Variants in OTUD7A observed in about 807,000 individuals in gnomAD.
OTUD7A encodes OTU domain-containing protein 7A.
Under a neutral mutation model 65.7 loss-of-function variants are expected in OTUD7A, and 12 were observed. The observed-to-expected ratio is 0.18, with a 90% CI of 0.12 to 0.30. The LOEUF (loss-of-function observed/expected upper bound fraction) is 0.30. OTUD7A is among the 10% of genes least tolerant of loss of function. The pLI is 1.00. For missense variants in OTUD7A, 1,148 were observed against 1,304.8 expected, an observed-to-expected ratio of 0.88 and a Z score of 1.85; for synonymous variants, 641 against 586.3, an observed-to-expected ratio of 1.09 and a Z score of -1.35.
At chr15:31,797,246 G>T (rs1649097699) in intron 1 of OTUD7A, among the ~76,000 whole-genome samples, 1 of 152,132 alleles carries the variant, frequency 6.6e-6, no homozygotes, top group African/African-American at 2.4e-5. Flanking sequence ...AAGCTGGGCG[G>T]GTGGAGGTGT....
chr15:31,804,893 T>C (rs779842305), intron 1 of OTUD7A, among the ~76,000 whole-genome samples: 1 of 152,362 alleles, frequency 6.6e-6, no homozygotes, highest in East Asian at 1.9e-4. Flanking sequence ...CTAGGAGAAC[T>C]GTTCACAACA....
rs139879073 is a variant in OTUD7A at position 31,604,069 on chromosome 15, T to C, written c.152-33872A>G. Among the ~76,000 whole-genome samples, 1,260 of 152,316 alleles carry C rather than the reference T, an allele frequency of 8.3e-3. 17 individuals are homozygous for C. The highest frequency in any genetic ancestry group is 0.029 in the African/African-American group (1,198 of 41,558). On this transcript the variant is annotated intron_variant, in intron 3 of 12. Coordinates refer to ENST00000307050, the MANE Select transcript of OTUD7A (RefSeq NM_001382637.1). ...CAAGGATCTATAACTAGAAATACCA[T>C]TTGACCCAGCAATCCCATTACTGGG... is the stretch of plus-strand genomic sequence containing the variant.
At chr15:31,629,202 C>G (rs1039482735) in intron 3 of OTUD7A, among the ~76,000 whole-genome samples, 1 of 152,086 alleles carries the variant, frequency 6.6e-6, no homozygotes, top group South Asian at 2.1e-4. Flanking sequence ...CAGTTTTTGC[C>G]CATTCAGTAT....
chr15:31,793,061 G>A (rs896359680), intron 1 of OTUD7A, among the ~76,000 whole-genome samples: 4 of 152,250 alleles, frequency 2.6e-5, no homozygotes, highest in Admixed American at 6.5e-5. Flanking sequence ...AAACTGATTC[G>A]ACCCATGACA....
At chr15:31,811,541 G>C (rs541873083) in intron 1 of OTUD7A, among the ~76,000 whole-genome samples, 1 of 152,092 alleles carries the variant, frequency 6.6e-6, no homozygotes. Context: ...GTGTGTGTGC[G>C]TATGTGTATG....
Position 31,766,726 on chromosome 15 carries a change from G to A in OTUD7A, c.-100+103781C>T, listed in dbSNP as rs532610270. 28 of 1,609,814 alleles carry A rather than the reference G, an allele frequency of 1.7e-5. 1 individual carries two copies. In the South Asian group the frequency reaches 3.1e-4, roughly 18 times the overall value. On this transcript the variant is annotated intron_variant, in intron 1 of 12. Coordinates refer to ENST00000307050, the MANE Select transcript of OTUD7A (RefSeq NM_001382637.1). ...TTGGTCTTGAACAATCAAAGTAGAG[G>A]TTCTCTTAAAACCAGCACTGAATGG... is the stretch of plus-strand genomic sequence containing the variant.
intron 1 of OTUD7A, among the ~76,000 whole-genome samples, chr15:31,800,468 T>A (rs1343643898): frequency 2.0e-5 from 3 of 152,140 alleles, no homozygotes; most frequent in Non-Finnish European, 4.4e-5. Flanking sequence ...CATTGTGTGT[T>A]CCTGAAGGTC....
At position 31,481,216 on chromosome 15, in the gene OTUD7A, A is replaced by T. The variant is rs746436355; in HGVS notation, c.*2078T>A. On this transcript the variant is annotated 3_prime_UTR_variant, in exon 13 of 13. Coordinates refer to ENST00000307050, the MANE Select transcript of OTUD7A (RefSeq NM_001382637.1). ...AGAATTGACTTTATGCCTCCTTGAC[A>T]TCTTGTGCATATGAGTTTGGTTTCT... 2 of 152,242 alleles carry T rather than the reference A, an allele frequency of 1.3e-5. No homozygotes were observed. Among genetic ancestry groups the T allele is most frequent in the Non-Finnish European group, 2.9e-5 (2 of 68,048 alleles). 9.4% of individuals were successfully genotyped at this position (152,242 alleles called of 1,614,324 possible).
chr15:31,761,995 G>A (rs1321837228), intron 1 of OTUD7A, among the ~76,000 whole-genome samples: 1 of 152,170 alleles, frequency 6.6e-6, no homozygotes, highest in African/African-American at 2.4e-5. Flanking sequence ...ACAGAGGGGG[G>A]CATGTGTGTA....
At chr15:31,808,871 C>T (rs1009596143) in intron 1 of OTUD7A, among the ~76,000 whole-genome samples, 4 of 152,226 alleles carry the variant, frequency 2.6e-5, no homozygotes, top group Non-Finnish European at 5.9e-5. Context: ...CTTCAGGCTG[C>T]GCAGGCCCCA....
intron 5 of OTUD7A, among the ~76,000 whole-genome samples, chr15:31,548,612 A>G (rs1888213504): frequency 6.6e-6 from 1 of 152,096 alleles, no homozygotes. Flanking sequence ...AATTGCATGC[A>G]GCCGATGTGA....
intron 1 of OTUD7A, among the ~76,000 whole-genome samples, chr15:31,786,009 T>C (rs11639248): frequency 0.15 from 22,444 of 152,058 alleles, 1,863 homozygotes; most frequent in East Asian, 0.24. Flanking sequence ...AATCCATTCA[T>C]GGATTAATGG....
intron 1 of OTUD7A, among the ~76,000 whole-genome samples, chr15:31,757,074 C>T (rs1403749162): frequency 6.6e-6 from 1 of 152,106 alleles, no homozygotes; most frequent in Non-Finnish European, 1.5e-5. Context: ...GCTCTTTAAC[C>T]TCTGTCCCTG....
chr15:31,593,418 T>C (rs1011019488), intron 3 of OTUD7A, among the ~76,000 whole-genome samples: 74 of 152,150 alleles, frequency 4.9e-4, no homozygotes, highest in African/African-American at 1.7e-3. Context: ...GGCTCTATCT[T>C]ACCAGTGGGC....
chr15:31,555,739 G>A (rs1354080223), intron 5 of OTUD7A, among the ~76,000 whole-genome samples: 1 of 152,182 alleles, frequency 6.6e-6, no homozygotes, highest in East Asian at 1.9e-4. Context: ...GTTCGGAGGA[G>A]TCAGATGGAT....
intron 8 of OTUD7A, among the ~76,000 whole-genome samples, chr15:31,504,482 C>A (rs557207708): frequency 1.2e-4 from 19 of 152,306 alleles, no homozygotes; most frequent in African/African-American, 4.6e-4. Context: ...CTAAGACGTT[C>A]GGGCAGAAGG....
intron 8 of OTUD7A, among the ~76,000 whole-genome samples, chr15:31,520,951 A>G (rs1419809260): frequency 6.6e-6 from 1 of 152,240 alleles, no homozygotes; most frequent in East Asian, 1.9e-4. Context: ...TCAGCCATAA[A>G]AAAGAATGGA....
At chr15:31,773,113 C>T (rs768647458) in intron 1 of OTUD7A, among the ~76,000 whole-genome samples, 4 of 152,028 alleles carry the variant, frequency 2.6e-5, no homozygotes, top group African/African-American at 7.3e-5. Flanking sequence ...ATTTAATGAA[C>T]GATTATTATT....
At chr15:31,593,478 C>T (rs1184732941) in intron 3 of OTUD7A, among the ~76,000 whole-genome samples, 11 of 152,030 alleles carry the variant, frequency 7.2e-5, no homozygotes, top group East Asian at 3.9e-4. Flanking sequence ...GCAGGCTCTC[C>T]GTGGCGAAAA....
Sources: allele counts gnomAD v4.1 joint callset (sites outside exome capture counted in the v4.1 genomes callset), GRCh38; gene constraint gnomAD v4.1.1; transcripts MANE v1.5; gene names NCBI Gene and HGNC (gene_info 2026-07-23, HGNC 2026-07-21).